WWOX: variants seen among roughly 807,000 people sequenced by gnomAD.
WWOX encodes the protein WW domain containing oxidoreductase.
A neutral mutation model predicts 46.2 loss-of-function variants in WWOX; 69 were observed. That is an observed-to-expected ratio of 1.49 (90% CI 1.23 to 1.82). The LOEUF (loss-of-function observed/expected upper bound fraction) is 1.82. Among genes scored for constraint, WWOX ranks in the 40% most tolerant of loss-of-function variants. WWOX has a pLI of 0.00. For missense variants in WWOX, 919 were observed against 542.6 expected (o/e 1.69, Z -6.89); for synonymous variants, 359 against 202.6 (o/e 1.77, Z -6.56).
intron 8 of WWOX, among the ~76,000 whole-genome samples, chr16:78,667,166 G>A (rs1465814985): frequency 6.6e-6 from 1 of 152,070 alleles, no homozygotes; most frequent in Non-Finnish European, 1.5e-5. Flanking sequence ...GTGTTTGCTA[G>A]TAGCTTCCAT....
intron 6 of WWOX, among the ~76,000 whole-genome samples, chr16:78,412,902 G>A (rs1224048051): frequency 6.6e-6 from 1 of 152,152 alleles, no homozygotes; most frequent in African/African-American, 2.4e-5. Flanking sequence ...TCAAGTGAAT[G>A]TCCTTTTTTC....
Position 78,963,758 on chromosome 16 carries a change from G to C in WWOX, c.1057-247850G>C, listed in dbSNP as rs575605996. Among the ~76,000 whole-genome samples the C allele has an allele frequency of 2.0e-5, 3 of 152,276 alleles. No individual in the cohort carries two copies. The South Asian group carries it at 6.2e-4, about 32-fold the overall frequency. On this transcript the variant is annotated intron_variant, in intron 8 of 8. Transcript: ENST00000566780. Reference sequence around the variant, plus strand: ...TTCCATTTTAAGATACAGAAAGTGGGCCTTAAAGGTGCTACTGACTTGCTG... The same window carrying C: ...TTCCATTTTAAGATACAGAAAGTGGCCCTTAAAGGTGCTACTGACTTGCTG...
chr16:78,238,260 T>C (rs986788699), intron 5 of WWOX: 1 of 152,184 alleles, frequency 6.6e-6, no homozygotes, highest in Admixed American at 6.5e-5. Context: ...ACTTCAGCTT[T>C]AGCGTCCCTG....
rs1261598586 is a variant in WWOX at position 78,349,189 on chromosome 16, G to A, written c.517-37671G>A. ...CACGTGACCTAGCCGCTGTGTGCAC[G>A]CATCCCTGGTTTCTTTTCCTGTGTT... On this transcript the variant is annotated intron_variant, in intron 5 of 8. Coordinates refer to ENST00000566780, the MANE Select transcript of WWOX (RefSeq NM_016373.4). Among the ~76,000 whole-genome samples the A allele has an allele frequency of 1.7e-5, 2 of 120,338 alleles. 1 individual carries two copies. Among genetic ancestry groups the A allele is most frequent in the African/African-American group, 5.6e-5 (2 of 35,468 alleles). 78.9% of individuals were successfully genotyped at this position (120,338 alleles called of 152,430 possible). A position where few individuals can be genotyped will look rare whatever the true frequency, so the allele number is the denominator to read the frequency against.
chr16:78,197,651 A>G (rs1244304894), intron 5 of WWOX, among the ~76,000 whole-genome samples: 1 of 152,192 alleles, frequency 6.6e-6, no homozygotes, highest in Non-Finnish European at 1.5e-5. Context: ...GAGAAGGGAA[A>G]TAATACTTCA....
intron 8 of WWOX, among the ~76,000 whole-genome samples, chr16:78,994,776 G>C (rs945574216): frequency 6.6e-6 from 1 of 152,062 alleles, no homozygotes; most frequent in African/African-American, 2.4e-5. Context: ...TCTTTGGAGC[G>C]GAGCTGGTAC....
rs112281683 is a variant in WWOX at position 78,486,893 on chromosome 16, G to T, written c.1056+54141G>T. ...GACCATTGTCTGTCAGGTTTAAATT[G>T]CACCTTGGGTTCGGGTGAAGTTGAT... On this transcript the variant is annotated intron_variant, in intron 8 of 8. Coordinates refer to ENST00000566780, the MANE Select transcript of WWOX (RefSeq NM_016373.4). 3.1e-3 allele frequency among the ~76,000 whole-genome samples: 472 copies of T among 152,282 alleles called. 3 individuals carry two copies. Among genetic ancestry groups the T allele is most frequent in the African/African-American group, 0.011 (447 of 41,558 alleles).
At chr16:78,877,937 C>T (rs1007469259) in intron 8 of WWOX, among the ~76,000 whole-genome samples, 2 of 152,184 alleles carry the variant, frequency 1.3e-5, no homozygotes, top group Non-Finnish European at 2.9e-5. Flanking sequence ...GGATTGGAAA[C>T]CAGGTCTGTT....
At chr16:78,571,632 T>G (rs1443021315) in intron 8 of WWOX, among the ~76,000 whole-genome samples, 1 of 151,726 alleles carries the variant, frequency 6.6e-6, no homozygotes, top group African/African-American at 2.4e-5. Context: ...ACTTAAGGAG[T>G]CCAAGGCAGG....
intron 8 of WWOX, among the ~76,000 whole-genome samples, chr16:78,923,024 C>G (rs144803245): frequency 0.015 from 2,140 of 138,360 alleles, 15 homozygotes; most frequent in African/African-American, 0.028. Flanking sequence ...TCTTATTGCC[C>G]AGGCTGGAGT....
At chr16:78,396,157 C>G (rs750863611) in intron 6 of WWOX, among the ~76,000 whole-genome samples, 3 of 152,190 alleles carry the variant, frequency 2.0e-5, no homozygotes, top group Admixed American at 6.6e-5. Context: ...TCTCTCATAT[C>G]TCCTGTACCT....
chr16:79,198,213 C>T (rs1194210193), intron 8 of WWOX, among the ~76,000 whole-genome samples: 6 of 151,978 alleles, frequency 3.9e-5, no homozygotes, highest in African/African-American at 1.5e-4. Flanking sequence ...TGGCATGTGC[C>T]TGCAATCCCA....
chr16:78,713,132 C>T (rs749944175), intron 8 of WWOX, among the ~76,000 whole-genome samples: 59 of 151,838 alleles, frequency 3.9e-4, no homozygotes, highest in Middle Eastern at 3.4e-3. Context: ...CTTAGCTGGG[C>T]ATGGTGGTGC....
chr16:78,744,270 G>A (rs2049295897), intron 8 of WWOX, among the ~76,000 whole-genome samples: 1 of 152,204 alleles, frequency 6.6e-6, no homozygotes, highest in South Asian at 2.1e-4. Flanking sequence ...CAGGACTTTA[G>A]AAACACATAG....
intron 8 of WWOX, among the ~76,000 whole-genome samples, chr16:79,034,358 A>G (rs2047824417): frequency 6.6e-6 from 1 of 152,242 alleles, no homozygotes; most frequent in Admixed American, 6.5e-5. Flanking sequence ...TGATAGGATT[A>G]CATAAATAAT....
At chr16:78,745,184 G>T (rs1373839735) in intron 8 of WWOX, among the ~76,000 whole-genome samples, 1 of 152,140 alleles carries the variant, frequency 6.6e-6, no homozygotes, top group Non-Finnish European at 1.5e-5. Context: ...CTTCAGCCAG[G>T]ATCTTTCCTG....
intron 8 of WWOX, among the ~76,000 whole-genome samples, chr16:78,862,704 C>T (rs578161090): frequency 5.3e-5 from 8 of 152,196 alleles, no homozygotes; most frequent in Admixed American, 2.0e-4. Flanking sequence ...GCTGATGTCT[C>T]AGCTTGAAGT....
intron 8 of WWOX, among the ~76,000 whole-genome samples, chr16:78,973,188 A>G (rs2046505518): frequency 6.6e-6 from 1 of 152,142 alleles, no homozygotes; most frequent in African/African-American, 2.4e-5. Flanking sequence ...TGAAATCCTA[A>G]GAAAGATAAA....
At chr16:78,850,089 G>A (rs372807355) in intron 8 of WWOX, among the ~76,000 whole-genome samples, 1 of 151,918 alleles carries the variant, frequency 6.6e-6, no homozygotes, top group Admixed American at 6.6e-5. Flanking sequence ...AAAAAATAGA[G>A]TGATAGAGTG....
Sources: gnomAD v4.1 joint callset for allele counts (sites outside exome capture counted in the v4.1 genomes callset) on GRCh38, gnomAD v4.1.1 for gene constraint, MANE v1.5 for transcripts, NCBI Gene and HGNC (gene_info 2026-07-23, HGNC 2026-07-21) for gene names.